IQCM: variants seen among roughly 807,000 people sequenced by gnomAD.
The protein encoded by IQCM is IQ domain-containing protein M.
Under a neutral mutation model 57.6 loss-of-function variants are expected in IQCM, and 45 were observed. The observed-to-expected ratio is 0.78, with a 90% CI of 0.62 to 1.00. The LOEUF (loss-of-function observed/expected upper bound fraction) is 1.00. Among genes scored for constraint, IQCM ranks in the 50% least tolerant of loss-of-function variants. The pLI, the probability that IQCM is intolerant of heterozygous loss-of-function variation, is 0.00. For missense variants in IQCM, 468 were observed against 511.6 expected, an observed-to-expected ratio of 0.91 and a Z score of 0.82; for synonymous variants, 148 against 158.9, an observed-to-expected ratio of 0.93 and a Z score of 0.51.
Position 149,357,033 on chromosome 4 carries a change from T to C in IQCM, c.1391-4967A>G, listed in dbSNP as rs1354325282. 2.6e-5 allele frequency among the ~76,000 whole-genome samples: 4 copies of C among 152,338 alleles called. No homozygotes were observed. The South Asian group carries it at 6.2e-4, about 24-fold the overall frequency. On this transcript the variant is annotated intron_variant, in intron 13 of 13. Coordinates refer to ENST00000636793, the MANE Select transcript of IQCM (RefSeq NM_001363507.2). ...TTGTGAATGGGAGTTCACTCATGAT[T>C]TGGCTCTCTGTTTGTCTGTTATTGG...
chr4:149,713,583 T>A (rs1204311523), intron 5 of IQCM, among the ~76,000 whole-genome samples: 1 of 152,194 alleles, frequency 6.6e-6, no homozygotes, highest in African/African-American at 2.4e-5. Flanking sequence ...TCTTTAAACC[T>A]CTAACACTTC....
intron 13 of IQCM, among the ~76,000 whole-genome samples, chr4:149,418,929 A>G (rs998167675): frequency 6.6e-6 from 1 of 152,088 alleles, no homozygotes; most frequent in African/African-American, 2.4e-5. Context: ...GGAATACAGC[A>G]AACAAGGGAA....
At chr4:149,446,011 T>A (rs1008493800) in intron 12 of IQCM, among the ~76,000 whole-genome samples, 1 of 151,732 alleles carries the variant, frequency 6.6e-6, no homozygotes, top group Non-Finnish European at 1.5e-5. Flanking sequence ...GCATTTTCCC[T>A]CAAAAATCTT....
chr4:149,521,427 A>C (rs781268813), intron 12 of IQCM, among the ~76,000 whole-genome samples: 4 of 152,104 alleles, frequency 2.6e-5, no homozygotes, highest in Non-Finnish European at 4.4e-5. Context: ...AATTTCCATA[A>C]AAAAAATCAG....
chr4:149,356,114 G>T (rs1728956934), intron 13 of IQCM, among the ~76,000 whole-genome samples: 2 of 152,046 alleles, frequency 1.3e-5, no homozygotes, highest in Admixed American at 6.6e-5. Flanking sequence ...TTGTAAATTT[G>T]TTTGAGTTCA....
At position 149,459,001 on chromosome 4, in the gene IQCM, C is replaced by T. The variant is rs1301016430; in HGVS notation, c.1229-25444G>A. ...TTCTGTTGTTATTTTACTTTCAGCA[C>T]CACTAGGTTATAGTGCAGTGGGGGT... On this transcript the variant is annotated intron_variant, in intron 12 of 13. Coordinates refer to ENST00000636793, the MANE Select transcript of IQCM (RefSeq NM_001363507.2). 2.0e-5 allele frequency among the ~76,000 whole-genome samples: 3 copies of T among 152,240 alleles called. No homozygotes were observed. In the East Asian group the frequency reaches 5.8e-4, roughly 29 times the overall value.
intron 12 of IQCM, among the ~76,000 whole-genome samples, chr4:149,518,440 AG>A (rs1745222374): frequency 6.6e-6 from 1 of 152,210 alleles, no homozygotes; most frequent in Non-Finnish European, 1.5e-5. Flanking sequence ...GGAATCCTGT[AG>A]TATAATAAAA....
At chr4:149,557,316 GCCTTAT>G (rs1749688533) in intron 10 of IQCM, among the ~76,000 whole-genome samples, 1 of 152,132 alleles carries the variant, frequency 6.6e-6, no homozygotes, top group Non-Finnish European at 1.5e-5. Context: ...GAGCTAGACA[GCCTTAT>G]GTTTGATTCT....
At chr4:149,399,379 G>A (rs548397568) in intron 13 of IQCM, among the ~76,000 whole-genome samples, 1 of 151,968 alleles carries the variant, frequency 6.6e-6, no homozygotes, top group South Asian at 2.1e-4. Context: ...TAGACGAAGT[G>A]GAAGAATAGG....
rs1226933208 is a variant in IQCM at position 149,688,374 on chromosome 4, T to C, written c.386-1906A>G. 2.6e-5 allele frequency among the ~76,000 whole-genome samples: 4 copies of C among 151,494 alleles called. 1 individual carries two copies. The highest frequency in any genetic ancestry group is 5.9e-5 in the Non-Finnish European group (4 of 67,832). On this transcript the variant is annotated intron_variant, in intron 5 of 13. Transcript: ENST00000636793. ...CAATAGCTGCAAACAAAAAATAAAA[T>C]ACTTAAGAATATACCTAACCAAGGA...
At chr4:149,763,455 A>T (rs1212017863) in intron 2 of IQCM, among the ~76,000 whole-genome samples, 2 of 152,088 alleles carry the variant, frequency 1.3e-5, no homozygotes, top group East Asian at 3.9e-4. Context: ...AGAAAAGCAC[A>T]ATGAGTGGAG....
chr4:149,523,603 AAAGAG>A (rs2149835871), intron 12 of IQCM, among the ~76,000 whole-genome samples: 1 of 152,312 alleles, frequency 6.6e-6, no homozygotes, highest in Non-Finnish European at 1.5e-5. Context: ...ACAGAAAGAC[AAAGAG>A]GAGAGCAGAC....
chr4:149,397,141 T>C (rs1204706389), intron 13 of IQCM, among the ~76,000 whole-genome samples: 3 of 152,066 alleles, frequency 2.0e-5, no homozygotes, highest in South Asian at 2.1e-4. Context: ...ATGGTGTCTA[T>C]ACCAATTGGC....
intron 12 of IQCM, among the ~76,000 whole-genome samples, chr4:149,497,747 T>TAAA (rs531108794): frequency 2.1e-5 from 2 of 95,914 alleles, no homozygotes; most frequent in African/African-American, 3.3e-5. Flanking sequence ...TATTTCACTT[T>TAAA]AAAAAAAAAA....
intron 13 of IQCM, among the ~76,000 whole-genome samples, chr4:149,371,703 C>T (rs1316027607): frequency 6.6e-6 from 1 of 152,218 alleles, no homozygotes; most frequent in Non-Finnish European, 1.5e-5. Flanking sequence ...CTCCAAGATT[C>T]ATTCTACCAC....
intron 7 of IQCM, among the ~76,000 whole-genome samples, chr4:149,661,177 A>G (rs1320833634): frequency 6.6e-6 from 1 of 152,054 alleles, no homozygotes; most frequent in African/African-American, 2.4e-5. Context: ...ATGATGTTGA[A>G]TTTTGTCAAA....
intron 7 of IQCM, among the ~76,000 whole-genome samples, chr4:149,653,392 T>G (rs1759364710): frequency 6.6e-6 from 1 of 152,168 alleles, no homozygotes; most frequent in African/African-American, 2.4e-5. Flanking sequence ...CAAGGTCCTG[T>G]GTGATTGCAG....
intron 4 of IQCM, among the ~76,000 whole-genome samples, 194 bp downstream of exon 4, chr4:149,735,182 A>T (rs775278852): frequency 2.3e-4 from 35 of 152,208 alleles, no homozygotes; most frequent in Non-Finnish European, 4.1e-4. Context: ...AAATTCATAC[A>T]ACTAAAAAAT....
intron 2 of IQCM, among the ~76,000 whole-genome samples, chr4:149,765,810 C>A (rs200070770): frequency 6.6e-6 from 1 of 152,018 alleles, no homozygotes; most frequent in East Asian, 1.9e-4. Context: ...ATTTTTCAGA[C>A]TTTTGCATTC....
Sources: gnomAD v4.1 joint callset for allele counts (sites outside exome capture counted in the v4.1 genomes callset) on GRCh38, gnomAD v4.1.1 for gene constraint, MANE v1.5 for transcripts, NCBI Gene and HGNC (gene_info 2026-07-23, HGNC 2026-07-21) for gene names.